DNM2: variants seen among roughly 807,000 people sequenced by gnomAD.
DNM2 encodes the protein dynamin-2.
DNM2 carries 15 observed loss-of-function variants against 99.0 expected under a neutral mutation model. The ratio of observed to expected loss-of-function variants is 0.15; its 90% CI spans 0.10 to 0.23. The LOEUF (loss-of-function observed/expected upper bound fraction) is 0.23. Among genes scored for constraint, DNM2 ranks in the 10% least tolerant of loss-of-function variants. The pLI, the probability that DNM2 is intolerant of heterozygous loss-of-function variation, is 1.00. For synonymous variants in DNM2, 525 were observed against 481.2 expected, an observed-to-expected ratio of 1.09 and a Z score of -1.19; for missense variants, 742 against 1,189.4, an observed-to-expected ratio of 0.62 and a Z score of 5.53.
intron 1 of DNM2, among the ~76,000 whole-genome samples, chr19:10,758,122 T>C (rs1297911328): frequency 6.6e-6 from 1 of 152,124 alleles, no homozygotes; most frequent in Non-Finnish European, 1.5e-5. Context: ...GGTGACTTCC[T>C]GTCTTCCTCC....
At chr19:10,829,378 A>T in intron 19 of DNM2, 110 bp downstream of exon 19, 2 of 1,386,874 alleles carry the variant, frequency 1.4e-6, no homozygotes, top group Non-Finnish European at 2.0e-6. Flanking sequence ...CAAGGGTGGC[A>T]CCCAGGGCTG....
intron 1 of DNM2, among the ~76,000 whole-genome samples, chr19:10,725,218 C>T (rs879693220): frequency 1.8e-4 from 27 of 152,156 alleles, no homozygotes; most frequent in Non-Finnish European, 2.4e-4. Flanking sequence ...GAGGCCGAGG[C>T]AGGCAGATCA....
rs562733193 is a variant in DNM2, at chr19:10,775,662, C to G, written c.386-41C>G. On this transcript the variant is annotated intron_variant, in intron 3 of 20. Transcript: ENST00000389253. This position sits in a 1 kb window ranked among gnomAD's most constrained non-coding sequence, Gnocchi z 4.3. ...CTGCGGGCCTGTTTGTGCCTCCCCTCTCCTGGCTCTGAATGCCTTTCCTTC... is the reference window on the plus strand; with the variant it reads ...CTGCGGGCCTGTTTGTGCCTCCCCTGTCCTGGCTCTGAATGCCTTTCCTTC... 1.9e-6 allele frequency: 3 copies of G among 1,612,928 alleles called. No homozygotes were observed. Among genetic ancestry groups the G allele is most frequent in the South Asian group, 2.2e-5 (2 of 90,968 alleles).
At chr19:10,798,806 C>T (rs1037133841) in intron 11 of DNM2, among the ~76,000 whole-genome samples, 1 of 151,366 alleles carries the variant, frequency 6.6e-6, no homozygotes, top group African/African-American at 2.4e-5. Flanking sequence ...CTCCTAAAAC[C>T]CCTGTCCCTA....
At chr19:10,760,336 G>A (rs1039660779) in intron 2 of DNM2, among the ~76,000 whole-genome samples, 4 of 151,624 alleles carry the variant, frequency 2.6e-5, no homozygotes, top group African/African-American at 7.3e-5. Flanking sequence ...CCACCACACC[G>A]GCCCCATGTG....
intron 12 of DNM2, chr19:10,802,566 G>A (rs1209648660): frequency 6.1e-6 from 4 of 651,914 alleles, no homozygotes; most frequent in Non-Finnish European, 1.1e-5. Context: ...CGCCTTCTGT[G>A]AGGCATCCCC....
At chr19:10,793,499 A>G (rs1223617667) in intron 7 of DNM2, among the ~76,000 whole-genome samples, 1 of 152,192 alleles carries the variant, frequency 6.6e-6, no homozygotes, top group Admixed American at 6.5e-5. Flanking sequence ...CTCAGATCGA[A>G]TGGGTGAATA....
intron 12 of DNM2, among the ~76,000 whole-genome samples, chr19:10,804,533 A>G (rs2072269059): frequency 2.6e-5 from 4 of 152,214 alleles, no homozygotes; most frequent in Admixed American, 2.0e-4. Context: ...TCTACAAAAA[A>G]TACAAAAATT....
At position 10,774,504 on chromosome 19, in the gene DNM2, G is replaced by A. The variant is rs567520080; in HGVS notation, c.386-1199G>A. ...TGCAATGGTGCAATCTTGGCTTACC[G>A]CAACCTCCACCTCCCGGGTTCAAGT... is the stretch of plus-strand genomic sequence containing the variant. On this transcript the variant is annotated intron_variant, in intron 3 of 20. Transcript: ENST00000389253. 1.3e-4 allele frequency among the ~76,000 whole-genome samples: 20 copies of A among 152,050 alleles called. 1 individual carries two copies. In the South Asian group the frequency reaches 2.7e-3, roughly 20 times the overall value.
At chr19:10,735,920 C>T (rs557421032) in intron 1 of DNM2, among the ~76,000 whole-genome samples, 1 of 152,100 alleles carries the variant, frequency 6.6e-6, no homozygotes, top group South Asian at 2.1e-4. Context: ...TGTTCTGTGA[C>T]GTTGATGTAT....
At chr19:10,759,979 A>T (rs902374490) in intron 2 of DNM2, among the ~76,000 whole-genome samples, 168 bp downstream of exon 2, 2 of 152,074 alleles carry the variant, frequency 1.3e-5, no homozygotes, top group Non-Finnish European at 2.9e-5. Context: ...GAACACTTAC[A>T]CACCCACACT....
At chr19:10,734,799 A>G (rs1022522174) in intron 1 of DNM2, among the ~76,000 whole-genome samples, 2 of 149,490 alleles carry the variant, frequency 1.3e-5, no homozygotes, top group African/African-American at 2.5e-5. Flanking sequence ...TTCAAACAAA[A>G]TCACCCCTTT....
intron 5 of DNM2, among the ~76,000 whole-genome samples, chr19:10,782,096 G>A (rs527244472): frequency 1.6e-4 from 24 of 152,058 alleles, no homozygotes; most frequent in Non-Finnish European, 3.1e-4. Context: ...GCAGTGGGGT[G>A]ATTACAGCTT....
In DNM2 at chr19:10,796,241, C is replaced by A; in HGVS notation, c.1196+802C>A. On this transcript the variant is annotated intron_variant, in intron 9 of 20. Transcript: ENST00000389253. The surrounding 1 kb of genome is among the most constrained non-coding windows in gnomAD (Gnocchi z 5.6). ...AGGGTGACTCCTGACCTTGTGGAAA[C>A]GGGGGTACGGGGGTTTGGTATCAGG... 2 of 1,612,922 alleles carry A rather than the reference C, an allele frequency of 1.2e-6. No homozygotes were observed. The highest frequency in any genetic ancestry group is 1.7e-6 in the Non-Finnish European group (2 of 1,179,856).
intron 7 of DNM2, among the ~76,000 whole-genome samples, chr19:10,789,700 G>A (rs945308922): frequency 6.6e-6 from 1 of 152,056 alleles, no homozygotes; most frequent in Non-Finnish European, 1.5e-5. Flanking sequence ...CAGGTGTGGT[G>A]GTGGGCACCT....
intron 8 of DNM2, among the ~76,000 whole-genome samples, chr19:10,794,344 C>T (rs1368398364): frequency 1.4e-5 from 2 of 141,616 alleles, no homozygotes; most frequent in Admixed American, 7.1e-5. Context: ...CTTCTTTTTC[C>T]GTGTGTGTGT....
At chr19:10,781,241 T>G (rs1016979468) in intron 5 of DNM2, 3 of 152,224 alleles carry the variant, frequency 2.0e-5, no homozygotes, top group African/African-American at 7.2e-5. Flanking sequence ...TACTGGCCCC[T>G]GCTGTTTCCT....
In DNM2 at chr19:10,782,971, G is replaced by T. The variant is rs377159042; in HGVS notation, c.700G>T (p.Val234Leu). ...LLPLRRGYIG[V>L]VNRSQKDIEG... ...GCCTCTCCCCACAGGCTACATTGGC[G>T]TGGTGAACCGCAGCCAGAAGGATAT... The change falls in exon 6 of 21, where the codon GTG becomes TTG. Residue 234 changes from valine to leucine, a missense_variant. By Grantham distance (32) the Val-to-Leu change is conservative. This residue lies in a region of DNM2 where 192 missense variants were observed against 358.9 expected (regional missense o/e 0.54). Transcript: ENST00000389253. 1 of 1,614,008 alleles carries T rather than the reference G, an allele frequency of 6.2e-7. No homozygotes were observed. The highest frequency in any genetic ancestry group is 8.5e-7 in the Non-Finnish European group (1 of 1,180,032).
chr19:10,829,339 A>G, intron 19 of DNM2, 71 bp downstream of exon 19: 3 of 1,563,256 alleles, frequency 1.9e-6, no homozygotes, highest in African/African-American at 1.3e-5. Context: ...TGTGTCCTGC[A>G]GGGTCCTGGC....
Sources: allele counts gnomAD v4.1 joint callset (sites outside exome capture counted in the v4.1 genomes callset), GRCh38; gene constraint gnomAD v4.1.1; regional missense constraint gnomAD v4.1.1; non-coding constraint Gnocchi (gnomAD v3.1); transcripts MANE v1.5; gene names NCBI Gene and HGNC (gene_info 2026-07-23, HGNC 2026-07-21).